Variants in CYS1 observed in about 807,000 individuals in gnomAD.
CYS1 encodes the protein cystin 1.
CYS1 carries 5 observed loss-of-function variants against 9.6 expected under a neutral mutation model. That is an observed-to-expected ratio of 0.52 (90% CI 0.27 to 1.10). CYS1 has a LOEUF of 1.10. CYS1 is among the 50% of genes least tolerant of loss of function. The pLI is 0.11. For synonymous variants in CYS1, 88 were observed against 95.7 expected, an observed-to-expected ratio of 0.92 and a Z score of 0.47; for missense variants, 221 against 207.9, an observed-to-expected ratio of 1.06 and a Z score of -0.39.
At chr2:10,060,937 G>C (rs1312381360) in intron 2 of CYS1, among the ~76,000 whole-genome samples, 1 of 152,142 alleles carries the variant, frequency 6.6e-6, no homozygotes, top group Non-Finnish European at 1.5e-5. Context: ...GTTTCGCAGT[G>C]GCTCATGCCT....
Position 10,076,648 on chromosome 2 carries a change from C to T in CYS1, c.318+3258G>A, listed in dbSNP as rs1281958980. On this transcript the variant is annotated intron_variant, in intron 1 of 2. Transcript: ENST00000381813. This position sits in a 1 kb window ranked among gnomAD's most constrained non-coding sequence, Gnocchi z 4.3. ...TCCGGATGTTCTCTTGGTTTTCTCC[C>T]CTTTACTGGCTGTTCTTTAGGATGC... is the stretch of plus-strand genomic sequence containing the variant. Among the ~76,000 whole-genome samples, 1 of 152,168 alleles carries T rather than the reference C, an allele frequency of 6.6e-6. No homozygotes were observed. Among genetic ancestry groups the T allele is most frequent in the Non-Finnish European group, 1.5e-5 (1 of 68,036 alleles).
chr2:10,071,122 C>A (rs901850761), intron 1 of CYS1, among the ~76,000 whole-genome samples: 1 of 152,216 alleles, frequency 6.6e-6, no homozygotes, highest in South Asian at 2.1e-4. Context: ...CCCGCCACCA[C>A]GCCCAACTAA....
chr2:10,068,002 T>C (rs998352711), intron 1 of CYS1, among the ~76,000 whole-genome samples: 1 of 152,234 alleles, frequency 6.6e-6, no homozygotes, highest in African/African-American at 2.4e-5. Context: ...TTTGCTGTAG[T>C]TTCTTCTCCA....
chr2:10,070,284 T>C (rs6708076), intron 1 of CYS1, among the ~76,000 whole-genome samples: 17,446 of 152,216 alleles, frequency 0.11, 1,060 homozygotes, highest in Middle Eastern at 0.24. Context: ...CTGATGGGTG[T>C]GGCTTTGCCT....
At chr2:10,064,204 C>T (rs1236508103) in intron 2 of CYS1, among the ~76,000 whole-genome samples, 2 of 151,950 alleles carry the variant, frequency 1.3e-5, no homozygotes, top group South Asian at 4.1e-4. Flanking sequence ...GCCTGGATGA[C>T]AAGAGCAAAA....
intron 1 of CYS1, among the ~76,000 whole-genome samples, chr2:10,066,733 C>A (rs970875295): frequency 6.6e-6 from 1 of 152,104 alleles, no homozygotes; most frequent in Non-Finnish European, 1.5e-5. Context: ...GGTTACGGCC[C>A]GAAGAAAACA....
rs767151766 is a variant in CYS1, at chr2:10,058,859, G to A, written c.471C>T (p.Cys157=). Reference sequence around the variant, plus strand: ...GGGGTGGAGCATGCTGTCCTCAGCGGCAGTACTCCCGCTCGATGCTCGCCA... The same window carrying A: ...GGGGTGGAGCATGCTGTCCTCAGCGACAGTACTCCCGCTCGATGCTCGCCA... The part of the protein sequence containing the change: ...GLMASIEREY[C]R Residue 157 remains cysteine, a synonymous_variant, in exon 3 of 3, where the codon TGC becomes TGT. Coordinates refer to ENST00000381813, the MANE Select transcript of CYS1 (RefSeq NM_001037160.3). 1.5e-5 allele frequency: 23 copies of A among 1,576,140 alleles called. No homozygotes were observed. Among genetic ancestry groups the A allele is most frequent in the Non-Finnish European group, 7.7e-6 (9 of 1,161,350 alleles).
At chr2:10,077,305 A>G (rs1291438955) in intron 1 of CYS1, among the ~76,000 whole-genome samples, 1 of 152,206 alleles carries the variant, frequency 6.6e-6, no homozygotes, top group Non-Finnish European at 1.5e-5. Flanking sequence ...AAACAAAAAC[A>G]AAAACAAAAC....
intron 2 of CYS1, 103 bp from the exon 3 acceptor site, chr2:10,059,061 C>T (rs1488818467): frequency 1.6e-5 from 18 of 1,103,428 alleles, no homozygotes; most frequent in Non-Finnish European, 2.6e-6. Flanking sequence ...CATCCTGAAA[C>T]CCAAACCGAA....
chr2:10,075,299 G>A (rs1349799536), intron 1 of CYS1, among the ~76,000 whole-genome samples: 2 of 152,238 alleles, frequency 1.3e-5, no homozygotes, highest in Non-Finnish European at 2.9e-5. Context: ...GTGTGCAGAC[G>A]CACTGGAGCA....
chr2:10,071,229 A>G (rs1436360606), intron 1 of CYS1, among the ~76,000 whole-genome samples: 1 of 152,204 alleles, frequency 6.6e-6, no homozygotes, highest in Non-Finnish European at 1.5e-5. Flanking sequence ...GGCCTCCCAA[A>G]GTGCGGGGAT....
intron 2 of CYS1, among the ~76,000 whole-genome samples, chr2:10,065,314 C>T (rs1277257962): frequency 6.6e-6 from 1 of 152,254 alleles, no homozygotes; most frequent in East Asian, 1.9e-4. Context: ...TCACCCACTC[C>T]CAGTGACCCC....
intron 1 of CYS1, among the ~76,000 whole-genome samples, chr2:10,068,259 A>G (rs1490322406): frequency 6.6e-6 from 1 of 152,200 alleles, no homozygotes; most frequent in Non-Finnish European, 1.5e-5. Flanking sequence ...TAATAAACGT[A>G]GCTGATTATA....
intron 2 of CYS1, 150 bp downstream of exon 2, chr2:10,065,754 A>G: frequency 1.4e-6 from 1 of 731,446 alleles, no homozygotes; most frequent in Non-Finnish European, 2.4e-6. Context: ...CCTTCCCTTG[A>G]GGGCTAGGGC....
intron 2 of CYS1, among the ~76,000 whole-genome samples, chr2:10,060,464 A>ATC: frequency 6.6e-6 from 1 of 152,282 alleles, no homozygotes; most frequent in Middle Eastern, 3.4e-3. Flanking sequence ...CCCAGGAAGG[A>ATC]TCGGCATCTA....
intron 1 of CYS1, among the ~76,000 whole-genome samples, chr2:10,071,715 GC>G (rs1661770469): frequency 6.6e-6 from 1 of 152,228 alleles, no homozygotes; most frequent in African/African-American, 2.4e-5. Context: ...GGTATGAAAA[GC>G]AAAGACACAG....
At position 10,063,651 on chromosome 2, in the gene CYS1, G is replaced by T. The variant is rs191858779; in HGVS notation, c.371+2253C>A. On this transcript the variant is annotated intron_variant, in intron 2 of 2. Transcript: ENST00000381813. The surrounding 1 kb of genome is among the most constrained non-coding windows in gnomAD (Gnocchi z 4.2). ...GGAGGAGATTGAAGGGCGGGACACT[G>T]TTGCAGCCACAGGGTGAGGCACTGG... is the stretch of plus-strand genomic sequence containing the variant. 1.8e-4 allele frequency among the ~76,000 whole-genome samples: 27 copies of T among 152,298 alleles called. No homozygotes were observed. Among genetic ancestry groups the T allele is most frequent in the African/African-American group, 6.5e-4 (27 of 41,562 alleles).
Position 10,079,921 on chromosome 2 carries a change from C to T in CYS1, c.303G>A (p.Ala101=). 9.0e-7 allele frequency: 1 copy of T among 1,116,864 alleles called. No individual in the cohort carries two copies. Among genetic ancestry groups the T allele is most frequent in the Non-Finnish European group, 1.1e-6 (1 of 914,160 alleles). The allele number at this position is 1,116,864 out of a possible 1,614,324, so 69.2% of individuals were successfully genotyped here. ...CCACACTCACCGCGCTCCCCGCGACCGCGGTGGGTCGGAGCCGGGCTGGGC... is the reference window on the plus strand; with the variant it reads ...CCACACTCACCGCGCTCCCCGCGACTGCGGTGGGTCGGAGCCGGGCTGGGC... The part of the protein sequence containing the change: ...PRRPARLRPT[A]VAGSAVCAEQ... Residue 101 remains alanine (A), a synonymous_variant, in exon 1 of 3, where the codon GCG becomes GCA. Transcript: ENST00000381813.
chr2:10,071,365 C>T lies in CYS1; in HGVS notation c.319-5409G>A, dbSNP rs80343364. ...TGCTGCTGCCCTTCTGAAAGGGCAG[C>T]GGGACCCTTGCGGCAGGGGGCTTGG... On this transcript the variant is annotated intron_variant, in intron 1 of 2. Transcript: ENST00000381813. Among the ~76,000 whole-genome samples, 691 of 152,286 alleles carry T rather than the reference C, an allele frequency of 4.5e-3. 4 individuals are homozygous for T. Among genetic ancestry groups the T allele is most frequent in the Non-Finnish European group, 8.0e-3 (546 of 68,014 alleles).
Sources: gnomAD v4.1 joint callset for allele counts (sites outside exome capture counted in the v4.1 genomes callset) on GRCh38, gnomAD v4.1.1 for gene constraint, Gnocchi (gnomAD v3.1) non-coding constraint, MANE v1.5 for transcripts, NCBI Gene and HGNC (gene_info 2026-07-23, HGNC 2026-07-21) for gene names.